Variants in PTPRM observed in about 807,000 individuals in gnomAD.
The protein encoded by PTPRM is receptor-type tyrosine-protein phosphatase mu.
Under a neutral mutation model 186.7 loss-of-function variants are expected in PTPRM, and 47 were observed. The observed-to-expected ratio is 0.25, with a 90% CI of 0.20 to 0.32. PTPRM has a LOEUF of 0.32. Ranked by LOEUF, PTPRM falls within the 10% of genes least tolerant of loss-of-function variation. PTPRM has a pLI of 1.00. For synonymous variants in PTPRM, 668 were observed against 674.9 expected, an observed-to-expected ratio of 0.99 and a Z score of 0.16; for missense variants, 1,494 against 1,865.0, an observed-to-expected ratio of 0.80 and a Z score of 3.66.
intron 7 of PTPRM, among the ~76,000 whole-genome samples, chr18:8,006,105 G>A (rs1045488271): frequency 6.6e-6 from 1 of 152,304 alleles, no homozygotes; most frequent in East Asian, 1.9e-4. Context: ...CTTCCAACTC[G>A]CTGCTGTTAA....
intron 7 of PTPRM, among the ~76,000 whole-genome samples, chr18:7,968,280 C>T (rs1326714799): frequency 7.6e-6 from 1 of 132,012 alleles, no homozygotes; most frequent in Non-Finnish European, 1.6e-5. Flanking sequence ...ACCACCAGGC[C>T]TGCCCTAAAA....
intron 1 of PTPRM, among the ~76,000 whole-genome samples, chr18:7,758,057 A>AAC (rs2041590805): frequency 6.6e-6 from 1 of 152,218 alleles, no homozygotes; most frequent in African/African-American, 2.4e-5. Context: ...CCTCACTCCC[A>AAC]ACAATTCTGA....
chr18:8,299,528 A>G (rs148574603), intron 20 of PTPRM, among the ~76,000 whole-genome samples: 4,486 of 151,754 alleles, frequency 0.03, 209 homozygotes, highest in South Asian at 0.098. Context: ...TGGAGGTTGC[A>G]GTGAGCCGAT....
intron 11 of PTPRM, among the ~76,000 whole-genome samples, chr18:8,106,654 A>G (rs549817760): frequency 3.3e-5 from 5 of 152,346 alleles, no homozygotes; most frequent in African/African-American, 1.2e-4. Context: ...GCCTGGAACA[A>G]GGCCTGATAC....
chr18:8,029,566 C>T (rs758792423), intron 7 of PTPRM, among the ~76,000 whole-genome samples: 5 of 152,198 alleles, frequency 3.3e-5, no homozygotes, highest in Non-Finnish European at 5.9e-5. Context: ...CCACCATCCT[C>T]CCACATCCCC....
At chr18:7,773,621 T>C (rs1022670021) in intron 1 of PTPRM, among the ~76,000 whole-genome samples, 4 of 151,152 alleles carry the variant, frequency 2.6e-5, no homozygotes, top group African/African-American at 9.7e-5. Context: ...ATTTTCGCCC[T>C]GTCGCCCAGG....
intron 7 of PTPRM, among the ~76,000 whole-genome samples, chr18:7,989,491 G>A (rs913969264): frequency 5.3e-5 from 8 of 152,112 alleles, no homozygotes; most frequent in Admixed American, 3.9e-4. Context: ...AAGCACTTCT[G>A]TATGTTCTTA....
At chr18:8,114,445 T>C (rs894090689) in intron 12 of PTPRM, among the ~76,000 whole-genome samples, 1 of 152,042 alleles carries the variant, frequency 6.6e-6, no homozygotes, top group Non-Finnish European at 1.5e-5. Context: ...AGGGGGGAAA[T>C]CTGAGATGCA....
chr18:8,366,874 G>A (rs1159776744), intron 23 of PTPRM: 1 of 152,258 alleles, frequency 6.6e-6, no homozygotes. Flanking sequence ...GGATGCGTGG[G>A]AGGCGCCGCC....
intron 7 of PTPRM, among the ~76,000 whole-genome samples, chr18:8,009,993 A>G (rs2084427378): frequency 6.6e-6 from 1 of 152,208 alleles, no homozygotes. Flanking sequence ...ATTATTTGGG[A>G]ATTAAAATTT....
chr18:7,852,818 C>T (rs1454198663), intron 2 of PTPRM, among the ~76,000 whole-genome samples: 1 of 152,152 alleles, frequency 6.6e-6, no homozygotes, highest in Non-Finnish European at 1.5e-5. Flanking sequence ...GAACTATGAT[C>T]ACACCACTGT....
At chr18:8,340,479 A>G (rs889377162) in intron 22 of PTPRM, among the ~76,000 whole-genome samples, 1 of 152,200 alleles carries the variant, frequency 6.6e-6, no homozygotes, top group African/African-American at 2.4e-5. Context: ...GTGCTTATAA[A>G]CACCCTTTAT....
At chr18:8,025,985 C>G (rs1318244729) in intron 7 of PTPRM, among the ~76,000 whole-genome samples, 1 of 152,100 alleles carries the variant, frequency 6.6e-6, no homozygotes, top group Non-Finnish European at 1.5e-5. Flanking sequence ...GTGTGAAGCC[C>G]CAGTGTACTT....
intron 1 of PTPRM, among the ~76,000 whole-genome samples, chr18:7,733,734 CTG>C (rs1207473396): frequency 6.6e-6 from 1 of 152,180 alleles, no homozygotes; most frequent in Non-Finnish European, 1.5e-5. Context: ...ACCTCACAAA[CTG>C]AATACCAGAG....
At chr18:8,170,514 A>G (rs1194552398) in intron 14 of PTPRM, among the ~76,000 whole-genome samples, 1 of 151,520 alleles carries the variant, frequency 6.6e-6, no homozygotes, top group Admixed American at 6.6e-5. Flanking sequence ...AAAAAAAAGC[A>G]TCCCTAAATT....
chr18:8,331,377 T>G (rs1463453308), intron 22 of PTPRM, among the ~76,000 whole-genome samples: 1 of 152,160 alleles, frequency 6.6e-6, no homozygotes, highest in Non-Finnish European at 1.5e-5. Context: ...CTCTTCAACT[T>G]GTTCTTAAAA....
intron 1 of PTPRM, among the ~76,000 whole-genome samples, chr18:7,617,546 T>C (rs994440319): frequency 1.3e-5 from 2 of 152,212 alleles, no homozygotes; most frequent in Admixed American, 6.5e-5. Flanking sequence ...AGATAGTGTC[T>C]TCTTATTTTT....
intron 4 of PTPRM, among the ~76,000 whole-genome samples, chr18:7,911,320 A>G (rs1271658971): frequency 6.6e-6 from 1 of 152,156 alleles, no homozygotes; most frequent in African/African-American, 2.4e-5. Context: ...AGAACTGTGA[A>G]ATTGTTTTTT....
At chr18:7,908,414 G>T (rs1239675907) in intron 4 of PTPRM, among the ~76,000 whole-genome samples, 1 of 152,128 alleles carries the variant, frequency 6.6e-6, no homozygotes, top group Non-Finnish European at 1.5e-5. Context: ...GGAAATATTT[G>T]CAGGAGTGGC....
Sources: gnomAD v4.1 joint callset for allele counts (sites outside exome capture counted in the v4.1 genomes callset) on GRCh38, gnomAD v4.1.1 for gene constraint, MANE v1.5 for transcripts, NCBI Gene and HGNC (gene_info 2026-07-23, HGNC 2026-07-21) for gene names.